Variants in HAPLN1 observed in about 807,000 individuals in gnomAD.
HAPLN1 encodes the protein Cartilage link protein.
Under a neutral mutation model 36.5 loss-of-function variants are expected in HAPLN1, and 13 were observed. The observed-to-expected ratio is 0.36, with a 90% confidence interval of 0.23 to 0.57. HAPLN1 has a LOEUF of 0.57. HAPLN1 is among the 20% of genes least tolerant of loss of function. The pLI, the probability that HAPLN1 is intolerant of heterozygous loss-of-function variation, is 0.83. For synonymous variants in HAPLN1, 202 were observed against 169.8 expected (o/e 1.19, Z -1.48); for missense variants, 407 against 439.7 (o/e 0.93, Z 0.66).
intron 3 of HAPLN1, among the ~76,000 whole-genome samples, chr5:83,651,778 AGGGT>A (rs1750069397): frequency 1.3e-5 from 2 of 152,162 alleles, no homozygotes; most frequent in Admixed American, 6.5e-5. Context: ...GGGTCTCTAG[AGGGT>A]GGACATTGGG....
chr5:83,654,846 G>T (rs148079372), intron 2 of HAPLN1, among the ~76,000 whole-genome samples: 1 of 152,244 alleles, frequency 6.6e-6, no homozygotes, highest in African/African-American at 2.4e-5. Context: ...CTGTAGCCTT[G>T]GGCAAGTTGT....
chr5:83,692,602 C>T (rs552180176), intron 1 of HAPLN1, among the ~76,000 whole-genome samples: 124 of 151,856 alleles, frequency 8.2e-4, no homozygotes, highest in African/African-American at 2.7e-3. Context: ...TCATCAATAG[C>T]CTACACAGAA....
chr5:83,657,411 A>G lies in HAPLN1; in HGVS notation c.101-4587T>C, dbSNP rs544971000. On this transcript the variant is annotated intron_variant, in intron 2 of 4. Coordinates refer to ENST00000274341, the MANE Select transcript of HAPLN1 (RefSeq NM_001884.4). ...CAAAGTTTCTGTTTTTAATCCATAC[A>G]AAGTCATATCTTAAACTTAGGTCAT... Among the ~76,000 whole-genome samples, 39 of 152,204 alleles carry G rather than the reference A, an allele frequency of 2.6e-4. No individual in the cohort carries two copies. The East Asian group carries it at 4.4e-3, about 17-fold the overall frequency.
chr5:83,676,184 ACG>A (rs1469706820), intron 1 of HAPLN1, among the ~76,000 whole-genome samples: 10 of 98,494 alleles, frequency 1.0e-4, no homozygotes, highest in African/African-American at 4.0e-4. Flanking sequence ...ACACAGAGAT[ACG>A]CACACATATA....
rs115755590 is a variant in HAPLN1 at position 83,691,929 on chromosome 5, G to A, written c.-26-18380C>T. On this transcript the variant is annotated intron_variant, in intron 1 of 4. Coordinates refer to ENST00000274341, the MANE Select transcript of HAPLN1 (RefSeq NM_001884.4). ...TTGAATATGTTACATATAGAGGCAT[G>A]AAAAAGACATTTACAACCAGCCTAT... Among the ~76,000 whole-genome samples, 422 of 151,864 alleles carry A rather than the reference G, an allele frequency of 2.8e-3. 3 individuals are homozygous for A. Among genetic ancestry groups the A allele is most frequent in the African/African-American group, 9.5e-3 (394 of 41,488 alleles).
intron 2 of HAPLN1, among the ~76,000 whole-genome samples, chr5:83,668,728 C>T (rs1750621057): frequency 6.6e-6 from 1 of 152,190 alleles, no homozygotes; most frequent in African/African-American, 2.4e-5. Context: ...CATTGAGCAC[C>T]TACTATGTGC....
intron 1 of HAPLN1, among the ~76,000 whole-genome samples, chr5:83,693,795 G>A (rs1751332138): frequency 6.6e-6 from 1 of 151,830 alleles, no homozygotes; most frequent in Non-Finnish European, 1.5e-5. Flanking sequence ...CATTAAAAAT[G>A]TATGCTTCTA....
Position 83,641,441 on chromosome 5 carries a change from A to T in HAPLN1, c.*55T>A. 1 of 1,491,338 alleles carries T rather than the reference A, an allele frequency of 6.7e-7. No homozygotes were observed. Among genetic ancestry groups the T allele is most frequent in the South Asian group, 1.4e-5 (1 of 71,854 alleles). 92.4% of individuals were successfully genotyped at this position (1,491,338 alleles called of 1,614,324 possible). A position where few individuals can be genotyped will look rare whatever the true frequency, so the allele number is the denominator to read the frequency against. ...GCATGAGTTCATATTGGAAAAAAAAAACACCTTTCACATGTTCTTAATGAC... is the reference window on the plus strand; with the variant it reads ...GCATGAGTTCATATTGGAAAAAAAATACACCTTTCACATGTTCTTAATGAC... On this transcript the variant is annotated 3_prime_UTR_variant, in exon 5 of 5. Transcript: ENST00000274341.
chr5:83,708,863 T>C (rs1014494018), intron 1 of HAPLN1, among the ~76,000 whole-genome samples: 1 of 152,170 alleles, frequency 6.6e-6, no homozygotes, highest in Admixed American at 6.5e-5. Flanking sequence ...GTTTATCTTT[T>C]GTCTTTTCTT....
intron 1 of HAPLN1, among the ~76,000 whole-genome samples, chr5:83,713,074 T>A (rs1466248765): frequency 6.6e-6 from 1 of 152,154 alleles, no homozygotes; most frequent in Non-Finnish European, 1.5e-5. Context: ...CTATGGTTAA[T>A]CAAGTACTCT....
chr5:83,641,979 C>G (rs77989578), intron 4 of HAPLN1, among the ~76,000 whole-genome samples, 194 bp from the exon 5 acceptor site: 1,614 of 152,180 alleles, frequency 0.011, 31 homozygotes, highest in African/African-American at 0.037. Context: ...TTTTCCCTTG[C>G]CCCTTAATAT....
At chr5:83,709,920 T>C (rs1057047724) in intron 1 of HAPLN1, among the ~76,000 whole-genome samples, 9 of 152,130 alleles carry the variant, frequency 5.9e-5, no homozygotes, top group African/African-American at 2.2e-4. Context: ...TGGAGAGAGA[T>C]ATTTATGAGA....
At chr5:83,672,520 C>T (rs73133841) in intron 2 of HAPLN1, among the ~76,000 whole-genome samples, 1,922 of 152,284 alleles carry the variant, frequency 0.013, 44 homozygotes, top group African/African-American at 0.044. Flanking sequence ...ATAATACGTA[C>T]AGGAAAATAC....
At chr5:83,661,084 G>A (rs886808328) in intron 2 of HAPLN1, among the ~76,000 whole-genome samples, 2 of 152,086 alleles carry the variant, frequency 1.3e-5, no homozygotes, top group Non-Finnish European at 2.9e-5. Flanking sequence ...CAACTCTTGA[G>A]GATCGCCTAA....
chr5:83,657,564 C>A lies in HAPLN1; in HGVS notation c.101-4740G>T, dbSNP rs527308301. The stretch of plus-strand genomic sequence containing the variant: ...CCTCGCTCCTCTCTAGAAAGCCTTT[C>A]CCATTAGAAAGACTTTTTCATCCCT... On this transcript the variant is annotated intron_variant, in intron 2 of 4. Coordinates refer to ENST00000274341, the MANE Select transcript of HAPLN1 (RefSeq NM_001884.4). Among the ~76,000 whole-genome samples the A allele has an allele frequency of 1.1e-4, 16 of 152,226 alleles. No homozygotes were observed. In the South Asian group the frequency reaches 1.9e-3, roughly 18 times the overall value.
At chr5:83,671,180 T>G (rs1296273781) in intron 2 of HAPLN1, among the ~76,000 whole-genome samples, 1 of 152,158 alleles carries the variant, frequency 6.6e-6, no homozygotes, top group Non-Finnish European at 1.5e-5. Flanking sequence ...AACAAAAAGT[T>G]GAGGCTGATT....
intron 2 of HAPLN1, among the ~76,000 whole-genome samples, chr5:83,653,237 G>C (rs1196732994): frequency 2.0e-5 from 3 of 152,168 alleles, no homozygotes; most frequent in Non-Finnish European, 4.4e-5. Context: ...ACATTTCAAG[G>C]TAAGGTAAAC....
rs539474986 is a variant in HAPLN1 at position 83,640,683 on chromosome 5, C to T, written c.*813G>A. 1 of 152,132 alleles carries T rather than the reference C, an allele frequency of 6.6e-6. No homozygotes were observed. The highest frequency in any genetic ancestry group is 1.5e-5 in the Non-Finnish European group (1 of 68,016). The allele number at this position is 152,132 out of a possible 1,614,324, so 9.4% of individuals were successfully genotyped here. On this transcript the variant is annotated 3_prime_UTR_variant, in exon 5 of 5. Coordinates refer to ENST00000274341, the MANE Select transcript of HAPLN1 (RefSeq NM_001884.4). Reference sequence around the variant, plus strand: ...TCTATATAACTGCCCTGAGTAGATGCTAAATGCTGCTTAGCAAATGGCCCT... The same window carrying T: ...TCTATATAACTGCCCTGAGTAGATGTTAAATGCTGCTTAGCAAATGGCCCT...
chr5:83,696,262 T>G (rs761355581), intron 1 of HAPLN1, among the ~76,000 whole-genome samples: 1 of 152,106 alleles, frequency 6.6e-6, no homozygotes, highest in Non-Finnish European at 1.5e-5. Flanking sequence ...AAATGAGACA[T>G]AAATAAATGG....
Sources: allele counts gnomAD v4.1 joint callset (sites outside exome capture counted in the v4.1 genomes callset), GRCh38; gene constraint gnomAD v4.1.1; transcripts MANE v1.5; gene names NCBI Gene and HGNC (gene_info 2026-07-23, HGNC 2026-07-21).